The following LMCD1 variants were observed in gnomAD, a reference collection of about 807,000 sequenced individuals.
LMCD1 encodes LIM and cysteine rich domains 1, also known as LIM and cysteine-rich domains protein 1.
In LMCD1, 32 loss-of-function variants were observed where a neutral mutation model predicts 42.7. The ratio of observed to expected loss-of-function variants is 0.75; its 90% CI spans 0.57 to 1.01. The LOEUF is 1.01. Ranked by LOEUF, LMCD1 falls within the 50% of genes least tolerant of loss-of-function variation. The pLI is 0.00. For missense variants in LMCD1, 458 were observed against 483.1 expected (o/e 0.95, Z 0.49); for synonymous variants, 178 against 184.9 (o/e 0.96, Z 0.30).
intron 1 of LMCD1, among the ~76,000 whole-genome samples, chr3:8,531,743 T>A (rs1694416187): frequency 6.6e-6 from 1 of 152,232 alleles, no homozygotes; most frequent in African/African-American, 2.4e-5. Flanking sequence ...CACCTGAGTC[T>A]TATGTTGTAT....
intron 1 of LMCD1, among the ~76,000 whole-genome samples, chr3:8,518,960 G>A (rs1008001893): frequency 6.6e-6 from 1 of 152,184 alleles, no homozygotes; most frequent in African/African-American, 2.4e-5. Context: ...AGCTTTTGAT[G>A]TGCCAAGAAG....
intron 1 of LMCD1, chr3:8,514,843 T>C: frequency 2.3e-6 from 1 of 429,714 alleles, no homozygotes; most frequent in Admixed American, 2.5e-5. Context: ...CAACCACCTT[T>C]ATAAGAAGAG....
chr3:8,509,479 T>C (rs1219354801), intron 1 of LMCD1, among the ~76,000 whole-genome samples: 3 of 152,230 alleles, frequency 2.0e-5, no homozygotes, highest in Non-Finnish European at 4.4e-5. Flanking sequence ...CACTCATTTC[T>C]TTATATAGCA....
At chr3:8,539,406 A>T (rs1694575005) in intron 3 of LMCD1, among the ~76,000 whole-genome samples, 2 of 152,224 alleles carry the variant, frequency 1.3e-5, no homozygotes, top group Admixed American at 6.5e-5. Context: ...AAAAGTTTTT[A>T]GTACTAGACA....
At chr3:8,536,951 C>T (rs1221249741) in intron 2 of LMCD1, among the ~76,000 whole-genome samples, 1 of 152,196 alleles carries the variant, frequency 6.6e-6, no homozygotes, top group Admixed American at 6.5e-5. Flanking sequence ...CTCTTTTTAC[C>T]AGCACAAGTT....
intron 1 of LMCD1, among the ~76,000 whole-genome samples, chr3:8,516,339 C>T (rs1694100040): frequency 1.3e-5 from 2 of 152,286 alleles, no homozygotes; most frequent in African/African-American, 4.8e-5. Context: ...GTGCAAACCT[C>T]TCATAGCTCA....
chr3:8,554,831 G>C (rs1349616149), intron 4 of LMCD1, among the ~76,000 whole-genome samples: 1 of 152,150 alleles, frequency 6.6e-6, no homozygotes, highest in East Asian at 1.9e-4. Context: ...ATTTTGCCCA[G>C]GAATTTCCGC....
chr3:8,513,854 A>G (rs1199381319), intron 1 of LMCD1, among the ~76,000 whole-genome samples: 1 of 152,172 alleles, frequency 6.6e-6, no homozygotes, highest in Non-Finnish European at 1.5e-5. Flanking sequence ...TGCTTTCATG[A>G]AAAGATACCA....
chr3:8,563,226 C>A (rs1266056480), intron 4 of LMCD1, among the ~76,000 whole-genome samples: 1 of 152,164 alleles, frequency 6.6e-6, no homozygotes, highest in African/African-American at 2.4e-5. Flanking sequence ...GAAAGGTAAG[C>A]AGAGAAGCTT....
In LMCD1 at chr3:8,537,180, C is replaced by A; in HGVS notation, c.132-5C>A. 13 of 1,612,998 alleles carry A rather than the reference C, an allele frequency of 8.1e-6. No homozygotes were observed. Among genetic ancestry groups the A allele is most frequent in the Non-Finnish European group, 1.1e-5 (13 of 1,179,118 alleles). On this transcript the variant is annotated splice_region_variant and splice_polypyrimidine_tract_variant and intron_variant, in intron 2 of 5. Transcript: ENST00000157600. ...TCTCACTGGTCCCCATCCACCCACC[C>A]CCAGGAAAATATGCAAGTCTTGCAA... is the stretch of plus-strand genomic sequence containing the variant.
chr3:8,512,229 T>G (rs1227950235), intron 1 of LMCD1, among the ~76,000 whole-genome samples: 1 of 152,252 alleles, frequency 6.6e-6, no homozygotes, highest in Non-Finnish European at 1.5e-5. Flanking sequence ...ATATGGGACC[T>G]TGGTTAACAA....
intron 5 of LMCD1, among the ~76,000 whole-genome samples, chr3:8,565,861 C>T (rs577614983): frequency 2.6e-5 from 4 of 152,206 alleles, no homozygotes; most frequent in Non-Finnish European, 5.9e-5. Context: ...GACACAGTGC[C>T]GGTGAATCTT....
chr3:8,506,143 T>C (rs997267982), intron 1 of LMCD1, among the ~76,000 whole-genome samples: 4 of 151,988 alleles, frequency 2.6e-5, no homozygotes, highest in Non-Finnish European at 5.9e-5. Context: ...CTATGCGGAG[T>C]TGGGGGCTGA....
intron 3 of LMCD1, among the ~76,000 whole-genome samples, chr3:8,546,801 G>T (rs2125030828): frequency 6.6e-6 from 1 of 152,326 alleles, no homozygotes; most frequent in African/African-American, 2.4e-5. Flanking sequence ...CAATTGTGGG[G>T]CCAGTGAGAA....
At chr3:8,515,646 A>G (rs186092458) in intron 1 of LMCD1, among the ~76,000 whole-genome samples, 2 of 152,306 alleles carry the variant, frequency 1.3e-5, no homozygotes, top group Admixed American at 6.5e-5. Context: ...AGTGATAATA[A>G]TGGATAGAAA....
chr3:8,524,085 T>A (rs1048065035), intron 1 of LMCD1, among the ~76,000 whole-genome samples: 5 of 152,102 alleles, frequency 3.3e-5, no homozygotes, highest in Admixed American at 1.3e-4. Flanking sequence ...TCCTTTTTTT[T>A]AAACTTTTAA....
rs575379434 is a variant in LMCD1, at chr3:8,502,808, C to G, written c.42+828C>G. On this transcript the variant is annotated intron_variant, in intron 1 of 5. Transcript: ENST00000157600. ...CCACTTGTTGCCTACCTGAATGCAG[C>G]TGGGAGAAGGCACAGGCTGGAGACT... Among the ~76,000 whole-genome samples, 3 of 152,220 alleles carry G rather than the reference C, an allele frequency of 2.0e-5. No individual in the cohort carries two copies. The South Asian group carries it at 6.2e-4, about 32-fold the overall frequency.
intron 1 of LMCD1, among the ~76,000 whole-genome samples, chr3:8,527,414 G>A (rs1694321747): frequency 6.6e-6 from 1 of 152,136 alleles, no homozygotes; most frequent in South Asian, 2.1e-4. Context: ...ACTTCAGTGG[G>A]AAGTCATATT....
intron 1 of LMCD1, among the ~76,000 whole-genome samples, chr3:8,523,477 T>C (rs1315228561): frequency 6.6e-6 from 1 of 152,248 alleles, no homozygotes; most frequent in African/African-American, 2.4e-5. Flanking sequence ...TAGGATGCAC[T>C]TTATCCAAGT....
Sources: allele counts gnomAD v4.1 joint callset (sites outside exome capture counted in the v4.1 genomes callset), GRCh38; gene constraint gnomAD v4.1.1; transcripts MANE v1.5; gene names NCBI Gene and HGNC (gene_info 2026-07-23, HGNC 2026-07-21).